Variants in MAGI1 observed in about 807,000 individuals in gnomAD.
The protein encoded by MAGI1 is membrane associated guanylate kinase, WW and PDZ domain containing 1.
MAGI1 carries 58 observed loss-of-function variants against 139.9 expected under a neutral mutation model. The ratio of observed to expected loss-of-function variants is 0.41; its 90% CI spans 0.34 to 0.52. The LOEUF (loss-of-function observed/expected upper bound fraction) is 0.52. MAGI1 is among the 20% of genes least tolerant of loss of function. The probability of loss-of-function intolerance (pLI) is 0.12; values close to 1 mark genes in which losing one functional copy is unlikely to be tolerated. For missense variants in MAGI1, 1,874 were observed against 1,901.6 expected, an observed-to-expected ratio of 0.99 and a Z score of 0.27; for synonymous variants, 812 against 737.9, an observed-to-expected ratio of 1.10 and a Z score of -1.63.
At chr3:66,000,993 G>A (rs2066709671) in intron 1 of MAGI1, among the ~76,000 whole-genome samples, 1 of 152,240 alleles carries the variant, frequency 6.6e-6, no homozygotes, top group Non-Finnish European at 1.5e-5. Context: ...AAGATGTCTT[G>A]TCCTGGTGCT....
intron 12 of MAGI1, 102 bp from the exon 13 acceptor site, chr3:65,401,572 A>T: frequency 6.4e-7 from 1 of 1,555,818 alleles, no homozygotes. Context: ...ATGGCAACCT[A>T]GCCATCTGCA....
chr3:65,525,958 C>G (rs76162003), intron 2 of MAGI1, among the ~76,000 whole-genome samples: 126 of 152,244 alleles, frequency 8.3e-4, no homozygotes, highest in Admixed American at 2.1e-3. Flanking sequence ...CACCAAGTCA[C>G]AGGGGGAAAT....
intron 1 of MAGI1, chr3:65,954,677 A>G (rs2064029523): frequency 6.6e-6 from 1 of 152,192 alleles, no homozygotes; most frequent in Admixed American, 6.5e-5. Context: ...ACTCTGGACT[A>G]CACAGCCTCG....
intron 18 of MAGI1, among the ~76,000 whole-genome samples, chr3:65,374,982 C>CT (rs1942360499): frequency 1.3e-5 from 2 of 152,110 alleles, no homozygotes; most frequent in South Asian, 4.1e-4. Flanking sequence ...AAATGAAAAA[C>CT]TTTGATATAT....
intron 1 of MAGI1, among the ~76,000 whole-genome samples, chr3:65,826,806 G>A (rs551960469): frequency 2.8e-4 from 43 of 152,240 alleles, no homozygotes; most frequent in Admixed American, 2.0e-3. Flanking sequence ...ACTAACTTTA[G>A]ATTTCAAATA....
At position 65,589,927 on chromosome 3, in the gene MAGI1, A is replaced by G. The variant is rs1386656996; in HGVS notation, c.430+32045T>C. 5.3e-5 allele frequency among the ~76,000 whole-genome samples: 8 copies of G among 151,994 alleles called. No homozygotes were observed. The East Asian group carries it at 1.6e-3, about 29-fold the overall frequency. On this transcript the variant is annotated intron_variant, in intron 2 of 22. Coordinates refer to ENST00000402939, the MANE Select transcript of MAGI1 (RefSeq NM_001033057.2). ...CAGGATAAGTTCCAGGCTCCTTGGCATCTCTGTGTCCATCCCCGAGTCTGT... is the reference window on the plus strand; with the variant it reads ...CAGGATAAGTTCCAGGCTCCTTGGCGTCTCTGTGTCCATCCCCGAGTCTGT...
chr3:66,029,807 G>A (rs1423471904), intron 1 of MAGI1, among the ~76,000 whole-genome samples: 1 of 152,176 alleles, frequency 6.6e-6, no homozygotes, highest in Non-Finnish European at 1.5e-5. Flanking sequence ...AAAGTGGACT[G>A]AGGCCAATGA....
At chr3:65,515,955 A>G (rs2077852639) in intron 2 of MAGI1, among the ~76,000 whole-genome samples, 1 of 152,214 alleles carries the variant, frequency 6.6e-6, no homozygotes. Context: ...GCACAGTTCA[A>G]AAATCTTTAC....
intron 1 of MAGI1, among the ~76,000 whole-genome samples, chr3:65,982,646 C>T (rs1226743438): frequency 6.6e-6 from 1 of 152,142 alleles, no homozygotes; most frequent in African/African-American, 2.4e-5. Context: ...TATTAATTAT[C>T]AGTGTCTTGT....
At chr3:65,844,400 T>C (rs753434265) in intron 1 of MAGI1, 24 of 347,842 alleles carry the variant, frequency 6.9e-5, no homozygotes, top group Non-Finnish European at 1.2e-4. Flanking sequence ...AAGAAAAGGA[T>C]ATCCCAGAAG....
chr3:65,563,355 T>C (rs2080458261), intron 2 of MAGI1, among the ~76,000 whole-genome samples: 1 of 152,200 alleles, frequency 6.6e-6, no homozygotes, highest in Non-Finnish European at 1.5e-5. Context: ...TGACACTCAA[T>C]GATTCTTGCC....
At chr3:65,842,026 G>A (rs1169850298) in intron 1 of MAGI1, among the ~76,000 whole-genome samples, 1 of 152,140 alleles carries the variant, frequency 6.6e-6, no homozygotes. Context: ...ATAAATATCA[G>A]TTTGAGCATT....
intron 1 of MAGI1, among the ~76,000 whole-genome samples, chr3:65,950,106 A>AAAAAAAAAAAAAAAAAAAAAAAAAAAAAC (rs796698272): frequency 2.4e-5 from 2 of 84,202 alleles, no homozygotes; most frequent in Non-Finnish European, 4.1e-5. Context: ...AAAAAAAAAA[A>AAAAAAAAAAAAAAAAAAAAAAAAAAAAAC]CAGAACTAGC....
chr3:65,944,388 C>T (rs1360183273), intron 1 of MAGI1, among the ~76,000 whole-genome samples: 1 of 151,834 alleles, frequency 6.6e-6, no homozygotes, highest in African/African-American at 2.4e-5. Flanking sequence ...ATGTGGGGTA[C>T]GTGCCTGTAG....
intron 1 of MAGI1, among the ~76,000 whole-genome samples, chr3:65,919,027 C>G (rs1054247444): frequency 8.6e-5 from 13 of 152,022 alleles, no homozygotes; most frequent in Admixed American, 2.0e-4. Flanking sequence ...ACTGTGCCCA[C>G]AAGGGCACTC....
chr3:65,628,567 A>G (rs2084110016), intron 1 of MAGI1, among the ~76,000 whole-genome samples: 1 of 151,948 alleles, frequency 6.6e-6, no homozygotes. Flanking sequence ...GCCTGGCACA[A>G]AATAAATCTC....
At position 65,582,021 on chromosome 3, in the gene MAGI1, A is replaced by C. The variant is rs957124408; in HGVS notation, c.430+39951T>G. ...CAGGCATTGCACTAGCCCCTGTGGTAGATTCAACATGTAAAATGACTGTTA... is the reference window on the plus strand; with the variant it reads ...CAGGCATTGCACTAGCCCCTGTGGTCGATTCAACATGTAAAATGACTGTTA... On this transcript the variant is annotated intron_variant, in intron 2 of 22. Transcript: ENST00000402939. Among the ~76,000 whole-genome samples the C allele has an allele frequency of 3.9e-5, 6 of 152,320 alleles. No homozygotes were observed. In the East Asian group the frequency reaches 5.8e-4, roughly 15 times the overall value.
intron 1 of MAGI1, among the ~76,000 whole-genome samples, chr3:66,030,423 G>A (rs2068526685): frequency 6.6e-6 from 1 of 152,080 alleles, no homozygotes; most frequent in Non-Finnish European, 1.5e-5. Context: ...TTGCTACTGG[G>A]GATACTGTGG....
intron 2 of MAGI1, among the ~76,000 whole-genome samples, chr3:65,539,535 T>C (rs981045190): frequency 2.6e-5 from 4 of 152,314 alleles, no homozygotes; most frequent in East Asian, 1.9e-4. Context: ...AAAAGATGCC[T>C]GTGTCCTTTT....
Sources: gnomAD v4.1 joint callset for allele counts (sites outside exome capture counted in the v4.1 genomes callset) on GRCh38, gnomAD v4.1.1 for gene constraint, MANE v1.5 for transcripts, NCBI Gene and HGNC (gene_info 2026-07-23, HGNC 2026-07-21) for gene names.